The following LAPTM4B variants were observed in gnomAD, a reference collection of about 807,000 sequenced individuals.
LAPTM4B encodes lysosomal-associated transmembrane protein 4B.
A neutral mutation model predicts 28.5 loss-of-function variants in LAPTM4B; 26 were observed. The ratio of observed to expected loss-of-function variants is 0.91; its 90% CI spans 0.67 to 1.27. LAPTM4B has a LOEUF of 1.27. Among genes scored for constraint, LAPTM4B ranks in the 50% most tolerant of loss-of-function variants. The pLI is 0.00. For missense variants in LAPTM4B, 288 were observed against 285.8 expected (o/e 1.01, Z -0.06); for synonymous variants, 109 against 106.4 (o/e 1.02, Z -0.15).
At chr8:97,817,491 A>G (rs1212243647) in intron 4 of LAPTM4B, among the ~76,000 whole-genome samples, 2 of 134,170 alleles carry the variant, frequency 1.5e-5, no homozygotes, top group South Asian at 2.3e-4. Flanking sequence ...TCTATCACCT[A>G]GGCTGGAGTG....
chr8:97,798,673 A>G (rs1193769513), intron 1 of LAPTM4B, among the ~76,000 whole-genome samples: 2 of 151,848 alleles, frequency 1.3e-5, no homozygotes, highest in Non-Finnish European at 2.9e-5. Context: ...AGAAGGACAC[A>G]CTGAGCCAGC....
intron 2 of LAPTM4B, among the ~76,000 whole-genome samples, chr8:97,807,830 G>A (rs1324583400): frequency 6.7e-6 from 1 of 148,250 alleles, no homozygotes; most frequent in African/African-American, 2.5e-5. Flanking sequence ...TTCCACCACT[G>A]TTGTTTCATA....
chr8:97,828,661 G>T (rs560366927), intron 6 of LAPTM4B, among the ~76,000 whole-genome samples: 1 of 152,202 alleles, frequency 6.6e-6, no homozygotes, highest in African/African-American at 2.4e-5. Context: ...TTTTTCAGCA[G>T]TAAGCAGATT....
chr8:97,830,151 A>G (rs1260209957), intron 6 of LAPTM4B, among the ~76,000 whole-genome samples: 2 of 152,166 alleles, frequency 1.3e-5, no homozygotes, highest in Non-Finnish European at 2.9e-5. Context: ...AGGGAAATGC[A>G]TAGCCAACAA....
chr8:97,841,365 T>C (rs1429809104), intron 6 of LAPTM4B, among the ~76,000 whole-genome samples: 1 of 152,272 alleles, frequency 6.6e-6, no homozygotes, highest in Non-Finnish European at 1.5e-5. Context: ...TTCACTCTTG[T>C]CACCCGGGCT....
chr8:97,821,648 G>A (rs1014044262), intron 5 of LAPTM4B, among the ~76,000 whole-genome samples: 2 of 151,808 alleles, frequency 1.3e-5, no homozygotes, highest in Admixed American at 1.3e-4. Context: ...GGGAGAACAG[G>A]TTCTTCTAAT....
rs114530599 is a variant in LAPTM4B, at chr8:97,819,817, C to T, written c.507+579C>T. On this transcript the variant is annotated intron_variant, in intron 5 of 6. Coordinates refer to ENST00000521545, the MANE Select transcript of LAPTM4B (RefSeq NM_018407.6). ...TGGCGCAACCTCGGCTTACTGCGAG[C>T]TTCGCCTCCCGGCTTCACGCCATTA... Among the ~76,000 whole-genome samples the T allele has an allele frequency of 6.2e-3, 888 of 143,032 alleles. 6 individuals are homozygous for T. Among genetic ancestry groups the T allele is most frequent in the African/African-American group, 0.022 (835 of 38,296 alleles). 93.8% of individuals were successfully genotyped at this position (143,032 alleles called of 152,430 possible).
intron 2 of LAPTM4B, among the ~76,000 whole-genome samples, chr8:97,814,934 C>T (rs1053444869): frequency 7.2e-5 from 11 of 152,112 alleles, no homozygotes; most frequent in Non-Finnish European, 1.0e-4. Context: ...ACCTCGTGAT[C>T]GCCCTCCTCG....
chr8:97,841,135 C>T (rs1245710620), intron 6 of LAPTM4B, among the ~76,000 whole-genome samples: 2 of 150,502 alleles, frequency 1.3e-5, no homozygotes. Flanking sequence ...GGGCTCCTCA[C>T]TTCCCAGTCA....
At chr8:97,841,452 C>T (rs780313337) in intron 6 of LAPTM4B, among the ~76,000 whole-genome samples, 7 of 152,142 alleles carry the variant, frequency 4.6e-5, no homozygotes, top group Admixed American at 2.6e-4. Flanking sequence ...CTCAGCCTCC[C>T]GAGTAGCTGG....
chr8:97,822,626 A>G (rs1340122812), intron 5 of LAPTM4B, among the ~76,000 whole-genome samples: 1 of 151,810 alleles, frequency 6.6e-6, no homozygotes, highest in Non-Finnish European at 1.5e-5. Flanking sequence ...GCAAAACCAT[A>G]GCAGAATAAA....
intron 2 of LAPTM4B, among the ~76,000 whole-genome samples, chr8:97,813,118 A>C (rs1057180809): frequency 2.0e-5 from 3 of 152,252 alleles, no homozygotes; most frequent in Non-Finnish European, 2.9e-5. Flanking sequence ...TATGACCACA[A>C]GGTAAAGTCC....
Position 97,852,857 on chromosome 8 carries a change from A to G in LAPTM4B, c.*1383A>G, listed in dbSNP as rs563095515. On this transcript the variant is annotated 3_prime_UTR_variant, in exon 7 of 7. Coordinates refer to ENST00000521545, the MANE Select transcript of LAPTM4B (RefSeq NM_018407.6). ...GAAAAGTACTTGTCAGGGATTTTCA[A>G]GCTTTTGCTCAAGTAATTACTATGA... 1.6e-4 allele frequency: 57 copies of G among 348,200 alleles called. No homozygotes were observed. In the South Asian group the frequency reaches 2.1e-3, roughly 13 times the overall value. The allele number at this position is 348,200 out of a possible 1,614,324, so 21.6% of individuals were successfully genotyped here.
chr8:97,842,304 A>G (rs539009338), intron 6 of LAPTM4B, among the ~76,000 whole-genome samples: 1 of 152,014 alleles, frequency 6.6e-6, no homozygotes, highest in Non-Finnish European at 1.5e-5. Flanking sequence ...ATACAATAAA[A>G]TGGTGACAGG....
At chr8:97,783,256 T>C (rs924563139) in intron 1 of LAPTM4B, among the ~76,000 whole-genome samples, 2 of 151,880 alleles carry the variant, frequency 1.3e-5, no homozygotes, top group African/African-American at 4.8e-5. Context: ...TGGTCTTTCT[T>C]TTTAATTTTC....
intron 2 of LAPTM4B, among the ~76,000 whole-genome samples, chr8:97,813,651 C>T (rs1816860937): frequency 6.6e-6 from 1 of 152,234 alleles, no homozygotes; most frequent in Non-Finnish European, 1.5e-5. Flanking sequence ...GCTCTGGTGT[C>T]CAGTATTCCT....
At chr8:97,808,608 G>T (rs1187571996) in intron 2 of LAPTM4B, among the ~76,000 whole-genome samples, 6 of 152,054 alleles carry the variant, frequency 3.9e-5, no homozygotes, top group Non-Finnish European at 7.4e-5. Flanking sequence ...ACAGATTCAG[G>T]TGAATATCCA....
At chr8:97,805,560 G>T in intron 2 of LAPTM4B, 96 bp downstream of exon 2, 1 of 737,032 alleles carries the variant, frequency 1.4e-6, no homozygotes, top group Non-Finnish European at 2.5e-6. Flanking sequence ...GTTCATTTGA[G>T]CTGATATATA....
chr8:97,803,952 T>C (rs1012584147), intron 1 of LAPTM4B, among the ~76,000 whole-genome samples: 1 of 152,226 alleles, frequency 6.6e-6, no homozygotes, highest in Non-Finnish European at 1.5e-5. Context: ...CCAAATATGA[T>C]TTTTGTGGTA....
Sources: gnomAD v4.1 joint callset for allele counts (sites outside exome capture counted in the v4.1 genomes callset) on GRCh38, gnomAD v4.1.1 for gene constraint, MANE v1.5 for transcripts, NCBI Gene and HGNC (gene_info 2026-07-23, HGNC 2026-07-21) for gene names.